Variants in GPC5 observed in about 807,000 individuals in gnomAD.
GPC5 encodes glypican 5.
In GPC5, 47 loss-of-function variants were observed where a neutral mutation model predicts 53.9. The ratio of observed to expected loss-of-function variants is 0.87; its 90% CI spans 0.69 to 1.11. The LOEUF (loss-of-function observed/expected upper bound fraction) is 1.11, where lower values mean the gene tolerates loss of function less well. GPC5 is among the 50% of genes most tolerant of loss of function. The probability of loss-of-function intolerance (pLI) is 0.00; values close to 1 mark genes in which losing one functional copy is unlikely to be tolerated. For synonymous variants in GPC5, 286 were observed against 263.3 expected (o/e 1.09, Z -0.84); for missense variants, 748 against 713.1 (o/e 1.05, Z -0.56).
intron 5 of GPC5, among the ~76,000 whole-genome samples, chr13:91,835,715 C>T (rs1246568780): frequency 2.0e-5 from 3 of 149,864 alleles, no homozygotes; most frequent in African/African-American, 7.4e-5. Context: ...AGGGGAACAT[C>T]ATACATCAGG....
intron 7 of GPC5, among the ~76,000 whole-genome samples, chr13:92,417,957 C>A (rs572220719): frequency 1.4e-4 from 21 of 152,246 alleles, no homozygotes; most frequent in African/African-American, 5.1e-4. Context: ...TATAATCATA[C>A]AATAGAATCT....
At chr13:92,632,826 A>AT (rs1885295869) in intron 7 of GPC5, among the ~76,000 whole-genome samples, 1 of 152,088 alleles carries the variant, frequency 6.6e-6, no homozygotes, top group Non-Finnish European at 1.5e-5. Flanking sequence ...AGCAAGTCAC[A>AT]TTTTGCATGG....
chr13:92,146,674 C>T (rs573592622), intron 7 of GPC5, among the ~76,000 whole-genome samples: 3 of 151,964 alleles, frequency 2.0e-5, no homozygotes, highest in South Asian at 4.1e-4. Flanking sequence ...CCCACTGTTT[C>T]CCCCAATCCC....
intron 2 of GPC5, among the ~76,000 whole-genome samples, chr13:91,468,874 C>CTTTT (rs5805695): frequency 6.7e-5 from 9 of 135,014 alleles, no homozygotes; most frequent in South Asian, 2.3e-4. Flanking sequence ...AGATAATGGT[C>CTTTT]TTTTTTTTTT....
intron 6 of GPC5, among the ~76,000 whole-genome samples, chr13:92,095,930 G>A (rs2041418818): frequency 6.6e-6 from 1 of 152,174 alleles, no homozygotes; most frequent in Non-Finnish European, 1.5e-5. Flanking sequence ...TATGACAAGT[G>A]TGGATACATT....
intron 6 of GPC5, among the ~76,000 whole-genome samples, chr13:91,924,796 T>A (rs1444191035): frequency 6.6e-6 from 1 of 151,958 alleles, no homozygotes; most frequent in Non-Finnish European, 1.5e-5. Context: ...TCTGACATTT[T>A]AAAATGTATA....
intron 6 of GPC5, among the ~76,000 whole-genome samples, chr13:92,052,379 G>A (rs963118431): frequency 2.0e-5 from 3 of 152,196 alleles, no homozygotes; most frequent in Non-Finnish European, 4.4e-5. Flanking sequence ...GTGAGCAGCG[G>A]CAAGATTTAT....
intron 7 of GPC5, among the ~76,000 whole-genome samples, chr13:92,655,600 C>T (rs1886107367): frequency 1.3e-5 from 2 of 152,172 alleles, no homozygotes; most frequent in Non-Finnish European, 2.9e-5. Context: ...CTTGGCCTCC[C>T]AAAGTGCTGG....
At chr13:91,473,993 A>G (rs1403465104) in intron 2 of GPC5, among the ~76,000 whole-genome samples, 1 of 152,166 alleles carries the variant, frequency 6.6e-6, no homozygotes, top group Non-Finnish European at 1.5e-5. Flanking sequence ...ATTGTTGCTT[A>G]TATTAAATTT....
chr13:92,545,878 C>A (rs1882092456), intron 7 of GPC5, among the ~76,000 whole-genome samples: 1 of 152,110 alleles, frequency 6.6e-6, no homozygotes, highest in Non-Finnish European at 1.5e-5. Context: ...GTTGCCTGTT[C>A]ACTCTGATGG....
intron 6 of GPC5, among the ~76,000 whole-genome samples, chr13:92,087,536 G>C (rs567469643): frequency 7.2e-4 from 110 of 152,226 alleles, no homozygotes; most frequent in African/African-American, 2.6e-3. Flanking sequence ...TTCAGGAAAT[G>C]ACATATTCTC....
At chr13:92,452,429 G>A (rs1413520861) in intron 7 of GPC5, among the ~76,000 whole-genome samples, 1 of 152,032 alleles carries the variant, frequency 6.6e-6, no homozygotes, top group Non-Finnish European at 1.5e-5. Flanking sequence ...CATTAATAAA[G>A]GCTTATCGGA....
At chr13:92,366,866 T>G (rs1240173131) in intron 7 of GPC5, among the ~76,000 whole-genome samples, 1 of 152,262 alleles carries the variant, frequency 6.6e-6, no homozygotes, top group Non-Finnish European at 1.5e-5. Context: ...ATCAGAGATA[T>G]GAATACAATT....
intron 2 of GPC5, among the ~76,000 whole-genome samples, chr13:91,547,371 G>A (rs1171523580): frequency 6.6e-6 from 1 of 151,936 alleles, no homozygotes; most frequent in Non-Finnish European, 1.5e-5. Context: ...GGAATACTAC[G>A]AGCAATTCTA....
At chr13:91,973,465 C>A (rs2040264583) in intron 6 of GPC5, among the ~76,000 whole-genome samples, 1 of 152,230 alleles carries the variant, frequency 6.6e-6, no homozygotes, top group Non-Finnish European at 1.5e-5. Context: ...CTTCTCTCAA[C>A]TCGTCAAAGT....
At chr13:91,717,374 T>A (rs893156455) in intron 3 of GPC5, among the ~76,000 whole-genome samples, 1 of 152,064 alleles carries the variant, frequency 6.6e-6, no homozygotes, top group Non-Finnish European at 1.5e-5. Flanking sequence ...TTAGGAAGAT[T>A]AATTGGGGGA....
chr13:92,359,695 G>A (rs996457005), intron 7 of GPC5, among the ~76,000 whole-genome samples: 4 of 151,654 alleles, frequency 2.6e-5, no homozygotes, highest in African/African-American at 4.9e-5. Context: ...AGAGGAAGGA[G>A]GCACATCTTA....
intron 7 of GPC5, among the ~76,000 whole-genome samples, chr13:92,390,776 A>G (rs1286058977): frequency 2.6e-5 from 4 of 152,218 alleles, no homozygotes; most frequent in East Asian, 3.8e-4. Flanking sequence ...TTTATCAAGT[A>G]TATATAACTT....
At chr13:92,580,572 G>C (rs1883339195) in intron 7 of GPC5, among the ~76,000 whole-genome samples, 1 of 152,148 alleles carries the variant, frequency 6.6e-6, no homozygotes, top group Non-Finnish European at 1.5e-5. Flanking sequence ...TCTGCAGGCT[G>C]TACAGGAGGA....
Sources: allele counts gnomAD v4.1 joint callset (sites outside exome capture counted in the v4.1 genomes callset), GRCh38; gene constraint gnomAD v4.1.1; transcripts MANE v1.5; gene names NCBI Gene and HGNC (gene_info 2026-07-23, HGNC 2026-07-21).